FBLN7: variants seen among roughly 807,000 people sequenced by gnomAD.
The protein encoded by FBLN7 is fibulin-7.
In FBLN7, 31 loss-of-function variants were observed where a neutral mutation model predicts 44.0. The ratio of observed to expected loss-of-function variants is 0.70; its 90% CI spans 0.53 to 0.95. FBLN7 has a LOEUF of 0.95. Among genes scored for constraint, FBLN7 ranks in the 40% least tolerant of loss-of-function variants. The pLI is 0.00. For synonymous variants in FBLN7, 262 were observed against 253.4 expected (o/e 1.03, Z -0.32); for missense variants, 573 against 618.5 (o/e 0.93, Z 0.78).
rs1396087343 is a variant in FBLN7 at position 112,138,679 on chromosome 2, G to C, written c.24G>C (p.Ala8=). Residue 8 remains alanine (A), a synonymous_variant, in exon 1 of 8, where the codon GCG becomes GCC. Transcript: ENST00000331203. ...AGATGGTGCCCAGCTCTCCGCGCGC[G>C]CTCTTCCTTCTGCTCCTGATCCTCG... The part of the protein sequence containing the change: MVPSSPR[A]LFLLLLILAC... 1 of 1,613,572 alleles carries C rather than the reference G, an allele frequency of 6.2e-7. No homozygotes were observed. Among genetic ancestry groups the C allele is most frequent in the Admixed American group, 1.7e-5 (1 of 59,998 alleles).
chr2:112,197,868 T>G, the FBLN7 span, among the ~76,000 whole-genome samples: 1 of 152,216 alleles, frequency 6.6e-6, no homozygotes. Flanking sequence ...TTTTTTCTTT[T>G]TCTATTTCTG....
intron 1 of FBLN7, among the ~76,000 whole-genome samples, chr2:112,150,665 G>A (rs186698446): frequency 1.4e-4 from 22 of 152,232 alleles, no homozygotes; most frequent in Admixed American, 7.8e-4. Context: ...ATCCTTCCTG[G>A]TTGACTGATC....
chr2:112,242,009 A>T, the FBLN7 span, among the ~76,000 whole-genome samples: 1 of 152,260 alleles, frequency 6.6e-6, no homozygotes, highest in East Asian at 1.9e-4. Context: ...CACACAGCCT[A>T]CTCACTCACC....
the FBLN7 span, among the ~76,000 whole-genome samples, chr2:112,235,632 T>G: frequency 6.6e-6 from 1 of 152,058 alleles, no homozygotes; most frequent in Admixed American, 6.6e-5. Flanking sequence ...AAAGTTGCCA[T>G]CCAGTTAAAA....
intron 1 of FBLN7, among the ~76,000 whole-genome samples, chr2:112,144,627 C>T (rs1412800638): frequency 1.3e-5 from 2 of 150,430 alleles, no homozygotes; most frequent in Non-Finnish European, 2.9e-5. Context: ...CGGGTTCAAG[C>T]GATTCTCCTG....
chr2:112,209,867 T>C, the FBLN7 span, among the ~76,000 whole-genome samples: 1 of 150,726 alleles, frequency 6.6e-6, no homozygotes, highest in East Asian at 2.0e-4. Flanking sequence ...GAAATTGACA[T>C]CTGCACAGGT....
chr2:112,155,447 C>G (rs539140897), intron 1 of FBLN7, among the ~76,000 whole-genome samples: 1 of 152,226 alleles, frequency 6.6e-6, no homozygotes, highest in Non-Finnish European at 1.5e-5. Flanking sequence ...CCCCGGCATG[C>G]TGGCTTGCCG....
chr2:112,223,917 T>C, the FBLN7 span, among the ~76,000 whole-genome samples: 1 of 152,152 alleles, frequency 6.6e-6, no homozygotes, highest in South Asian at 2.1e-4. Context: ...CCAAGGCAGG[T>C]GGATCATTTG....
intron 5 of FBLN7, 138 bp from the exon 6 acceptor site, chr2:112,182,653 C>T (rs1021282816): frequency 5.9e-5 from 59 of 1,003,036 alleles, no homozygotes; most frequent in Non-Finnish European, 7.3e-5. Flanking sequence ...GGGGGTAGGG[C>T]ATGGCGGCTG....
the FBLN7 span, among the ~76,000 whole-genome samples, chr2:112,239,104 GT>G: frequency 6.6e-6 from 1 of 152,212 alleles, no homozygotes; most frequent in Non-Finnish European, 1.5e-5. Flanking sequence ...CTGTAATCAA[GT>G]TAACTTTACT....
chr2:112,186,459 G>A (rs1485368498), intron 7 of FBLN7, among the ~76,000 whole-genome samples: 1 of 152,072 alleles, frequency 6.6e-6, no homozygotes, highest in Non-Finnish European at 1.5e-5. Flanking sequence ...GGCCAGCATG[G>A]TGAAACCCCG....
At chr2:112,149,288 GC>G (rs2104544191) in intron 1 of FBLN7, among the ~76,000 whole-genome samples, 1 of 152,318 alleles carries the variant, frequency 6.6e-6, no homozygotes, top group Non-Finnish European at 1.5e-5. Context: ...ACCATGGCCC[GC>G]TGGGAAAGGA....
At chr2:112,166,230 T>G (rs2104576483) in intron 3 of FBLN7, among the ~76,000 whole-genome samples, 2 of 152,270 alleles carry the variant, frequency 1.3e-5, no homozygotes, top group South Asian at 2.1e-4. Context: ...TTCGTATGTT[T>G]AGTAGAAAAG....
In FBLN7 at chr2:112,187,607, G is replaced by T; in HGVS notation, c.*101G>T. 25 of 1,509,394 alleles carry T rather than the reference G, an allele frequency of 1.7e-5. No homozygotes were observed. Among genetic ancestry groups the T allele is most frequent in the Non-Finnish European group, 2.0e-5 (22 of 1,114,760 alleles). 93.5% of individuals were successfully genotyped at this position (1,509,394 alleles called of 1,614,324 possible). On this transcript the variant is annotated 3_prime_UTR_variant, in exon 8 of 8. Transcript: ENST00000331203. The surrounding 1 kb of genome is among the most constrained non-coding windows in gnomAD (Gnocchi z 5.1). ...TGCGTGGAGCCTCCCGCCTGTTCCC[G>T]CCCTCTCACCAGTGCACCCAGGCTT...
intron 4 of FBLN7, 27 bp from the exon 5 acceptor site, chr2:112,181,712 G>C (rs1303754012): frequency 1.5e-6 from 2 of 1,365,112 alleles, no homozygotes; most frequent in Non-Finnish European, 1.9e-6. Context: ...GCCAGGGCCC[G>C]GCACTGAGCG....
chr2:112,160,848 G>A lies in FBLN7; in HGVS notation c.235+1013G>A, dbSNP rs5833440. Among the ~76,000 whole-genome samples, 1,341 of 148,142 alleles carry A rather than the reference G, an allele frequency of 9.1e-3. 16 individuals carry two copies. Among genetic ancestry groups the A allele is most frequent in the African/African-American group, 0.028 (1,101 of 39,510 alleles). On this transcript the variant is annotated intron_variant, in intron 2 of 7. Transcript: ENST00000331203. Reference sequence around the variant, plus strand: ...AGCACGCATACACGCACGCACACGCGCACACACACACACACACACTCAGCC... The same window carrying A: ...AGCACGCATACACGCACGCACACGCACACACACACACACACACACTCAGCC...
At chr2:112,227,335 G>T in the FBLN7 span, among the ~76,000 whole-genome samples, 4 of 152,208 alleles carry the variant, frequency 2.6e-5, no homozygotes, top group African/African-American at 9.6e-5. Context: ...GACCAGCCTG[G>T]CCAACATGGT....
intron 3 of FBLN7, among the ~76,000 whole-genome samples, chr2:112,167,751 A>G (rs1440337132): frequency 2.0e-5 from 3 of 152,200 alleles, no homozygotes; most frequent in African/African-American, 7.2e-5. Flanking sequence ...GAAGCAGAAA[A>G]TATATTGAAA....
At chr2:112,195,082 T>C in the FBLN7 span, among the ~76,000 whole-genome samples, 1 of 152,208 alleles carries the variant, frequency 6.6e-6, no homozygotes, top group African/African-American at 2.4e-5. Context: ...ATGAGAAACT[T>C]AGGCCACCCT....
Sources: gnomAD v4.1 joint callset for allele counts (sites outside exome capture counted in the v4.1 genomes callset) on GRCh38, gnomAD v4.1.1 for gene constraint, Gnocchi (gnomAD v3.1) non-coding constraint, MANE v1.5 for transcripts, NCBI Gene and HGNC (gene_info 2026-07-23, HGNC 2026-07-21) for gene names.